The following TAFA2 variants were observed in gnomAD, a reference collection of about 807,000 sequenced individuals.
TAFA2 encodes TAFA chemokine like family member 2, also known as chemokine-like protein TAFA-2.
In TAFA2, 7 loss-of-function variants were observed where a neutral mutation model predicts 18.8. The ratio of observed to expected loss-of-function variants is 0.37; its 90% CI spans 0.21 to 0.70. The LOEUF (loss-of-function observed/expected upper bound fraction) is 0.70, where lower values mean the gene tolerates loss of function less well. Ranked by LOEUF, TAFA2 falls within the 30% of genes least tolerant of loss-of-function variation. The probability of loss-of-function intolerance (pLI) is 0.53; values close to 1 mark genes in which losing one functional copy is unlikely to be tolerated. For synonymous variants in TAFA2, 60 were observed against 54.2 expected, an observed-to-expected ratio of 1.11 and a Z score of -0.47; for missense variants, 122 against 158.1, an observed-to-expected ratio of 0.77 and a Z score of 1.23.
At chr12:61,762,594 G>T (rs1036641741) in intron 2 of TAFA2, among the ~76,000 whole-genome samples, 2 of 150,596 alleles carry the variant, frequency 1.3e-5, no homozygotes, top group Admixed American at 1.3e-4. Flanking sequence ...GCTGTTAGGG[G>T]AAGTTATCTA....
chr12:62,080,921 G>A (rs921969390), intron 1 of TAFA2, among the ~76,000 whole-genome samples: 7 of 152,148 alleles, frequency 4.6e-5, no homozygotes, highest in South Asian at 4.1e-4. Context: ...CTGGCCAGGC[G>A]CGGTGGCTCA....
At chr12:61,719,694 G>A (rs773842494) in intron 4 of TAFA2, among the ~76,000 whole-genome samples, 1 of 152,126 alleles carries the variant, frequency 6.6e-6, no homozygotes. Context: ...TGGTCTCTAT[G>A]AATTGATTTT....
chr12:61,942,575 TAA>T (rs1313227390), intron 1 of TAFA2, among the ~76,000 whole-genome samples: 1 of 77,208 alleles, frequency 1.3e-5, no homozygotes, highest in Non-Finnish European at 2.5e-5. Flanking sequence ...GAAGAATGTA[TAA>T]CTAGAATAAC....
chr12:61,947,604 T>A (rs896726575), intron 1 of TAFA2, among the ~76,000 whole-genome samples: 1 of 149,098 alleles, frequency 6.7e-6, no homozygotes, highest in Non-Finnish European at 1.5e-5. Flanking sequence ...TCGGTCAGTT[T>A]GTTGAAAAGC....
intron 1 of TAFA2, among the ~76,000 whole-genome samples, chr12:62,251,840 A>C (rs1028847360): frequency 6.6e-6 from 1 of 152,182 alleles, no homozygotes; most frequent in Non-Finnish European, 1.5e-5. Context: ...ATTCCCAAAG[A>C]AGACTGACAG....
intron 2 of TAFA2, among the ~76,000 whole-genome samples, chr12:61,844,806 GT>G (rs1873334629): frequency 1.3e-5 from 2 of 152,084 alleles, no homozygotes; most frequent in South Asian, 4.1e-4. Context: ...ATCACTAGCT[GT>G]TTTCCCAACC....
intron 1 of TAFA2, chr12:61,878,067 G>T: frequency 2.2e-6 from 1 of 455,158 alleles, no homozygotes; most frequent in Non-Finnish European, 4.4e-6. Context: ...ATACTGTGTG[G>T]TCCTACTTAC....
chr12:61,909,682 C>T (rs567891190), intron 1 of TAFA2, among the ~76,000 whole-genome samples: 1 of 152,248 alleles, frequency 6.6e-6, no homozygotes, highest in South Asian at 2.1e-4. Context: ...AAATTACTCA[C>T]TAAATGTTTC....
chr12:61,710,987 G>A (rs1031525679), intron 4 of TAFA2, among the ~76,000 whole-genome samples: 6 of 151,726 alleles, frequency 4.0e-5, no homozygotes, highest in Admixed American at 6.6e-5. Context: ...AAATATCTGA[G>A]GAAAGAAACA....
intron 2 of TAFA2, among the ~76,000 whole-genome samples, chr12:61,835,021 T>C (rs1872861865): frequency 6.6e-6 from 1 of 152,026 alleles, no homozygotes; most frequent in Non-Finnish European, 1.5e-5. Flanking sequence ...TTTTGTTGTC[T>C]CAGCTGCTCT....
At chr12:62,108,935 T>C (rs1167775921) in intron 1 of TAFA2, among the ~76,000 whole-genome samples, 1 of 152,220 alleles carries the variant, frequency 6.6e-6, no homozygotes, top group South Asian at 2.1e-4. Flanking sequence ...AGCTTGCTGG[T>C]TCATTCTGAT....
At chr12:61,795,503 T>C (rs1871153402) in intron 2 of TAFA2, among the ~76,000 whole-genome samples, 1 of 151,844 alleles carries the variant, frequency 6.6e-6, no homozygotes, top group Admixed American at 6.6e-5. Flanking sequence ...CACCACATGT[T>C]CTCACTCATA....
At chr12:62,101,736 G>A (rs746238782) in intron 1 of TAFA2, among the ~76,000 whole-genome samples, 6 of 152,140 alleles carry the variant, frequency 3.9e-5, no homozygotes, top group Non-Finnish European at 8.8e-5. Context: ...ACTGTTTACT[G>A]AGTACCTACT....
At chr12:61,869,204 T>C (rs1874486181) in intron 1 of TAFA2, among the ~76,000 whole-genome samples, 1 of 152,182 alleles carries the variant, frequency 6.6e-6, no homozygotes, top group Non-Finnish European at 1.5e-5. Flanking sequence ...ATTTGAGCTT[T>C]TAGATCAGAC....
chr12:62,034,184 A>G (rs1035222070), intron 1 of TAFA2, among the ~76,000 whole-genome samples: 8 of 152,166 alleles, frequency 5.3e-5, no homozygotes, highest in Non-Finnish European at 1.2e-4. Context: ...CTCCAGGAAA[A>G]CTAAACACAG....
chr12:62,014,427 A>G (rs950497899), intron 1 of TAFA2, among the ~76,000 whole-genome samples: 1 of 152,116 alleles, frequency 6.6e-6, no homozygotes, highest in African/African-American at 2.4e-5. Flanking sequence ...CCAGAAAATC[A>G]AGACCAGCCT....
intron 1 of TAFA2, among the ~76,000 whole-genome samples, chr12:61,965,500 A>G (rs977760946): frequency 2.0e-5 from 3 of 151,972 alleles, no homozygotes; most frequent in African/African-American, 7.2e-5. Flanking sequence ...GCGAGTATGC[A>G]GTCACTTGGG....
At chr12:61,918,342 T>C (rs754232595) in intron 1 of TAFA2, among the ~76,000 whole-genome samples, 10 of 152,046 alleles carry the variant, frequency 6.6e-5, no homozygotes, top group Non-Finnish European at 1.3e-4. Flanking sequence ...CAGGTAACCA[T>C]TCTTCTATTT....
chr12:61,790,624 A>G (rs1360564458), intron 2 of TAFA2, among the ~76,000 whole-genome samples: 1 of 151,820 alleles, frequency 6.6e-6, no homozygotes, highest in Non-Finnish European at 1.5e-5. Flanking sequence ...AATAGCTACC[A>G]AAAAGCAAGA....
Sources: allele counts gnomAD v4.1 joint callset (sites outside exome capture counted in the v4.1 genomes callset), GRCh38; gene constraint gnomAD v4.1.1; transcripts MANE v1.5; gene names NCBI Gene and HGNC (gene_info 2026-07-23, HGNC 2026-07-21).